STRN: variants seen among roughly 807,000 people sequenced by gnomAD.
STRN encodes striatin.
A neutral mutation model predicts 96.3 loss-of-function variants in STRN; 53 were observed. The observed-to-expected ratio is 0.55, with a 90% CI of 0.44 to 0.69. STRN has a LOEUF of 0.69. STRN is among the 30% of genes least tolerant of loss of function. The pLI, the probability that STRN is intolerant of heterozygous loss-of-function variation, is 0.00. For missense variants in STRN, 987 were observed against 963.9 expected, an observed-to-expected ratio of 1.02 and a Z score of -0.32; for synonymous variants, 428 against 355.9, an observed-to-expected ratio of 1.20 and a Z score of -2.28.
rs934777511 is a variant in STRN, at chr2:36,846,491, T to C, written c.*2965A>G. Reference sequence around the variant, plus strand: ...TATATATTTATAAAATATACATACATTTTAGACATTTTCAAATAAATCTTC... The same window carrying C: ...TATATATTTATAAAATATACATACACTTTAGACATTTTCAAATAAATCTTC... On this transcript the variant is annotated 3_prime_UTR_variant, in exon 18 of 18. Coordinates refer to ENST00000263918, the MANE Select transcript of STRN (RefSeq NM_003162.4). 1.7e-4 allele frequency: 24 copies of C among 143,148 alleles called. No individual in the cohort carries two copies. Among genetic ancestry groups the C allele is most frequent in the Non-Finnish European group, 2.9e-4 (19 of 66,372 alleles). 8.9% of individuals were successfully genotyped at this position (143,148 alleles called of 1,614,324 possible). A position where few individuals can be genotyped will look rare whatever the true frequency, so the allele number is the denominator to read the frequency against.
intron 1 of STRN, 71 bp from the exon 2 acceptor site, chr2:36,925,279 C>T (rs1670380121): frequency 2.9e-6 from 3 of 1,022,346 alleles, no homozygotes; most frequent in Admixed American, 2.3e-5. Context: ...CAGTAAAGAA[C>T]CATTGGAAGT....
intron 14 of STRN, among the ~76,000 whole-genome samples, chr2:36,857,400 T>C (rs1229583747): frequency 6.6e-6 from 1 of 151,994 alleles, no homozygotes; most frequent in African/African-American, 2.4e-5. Context: ...ATAGGCTGGG[T>C]GCAGTGGCTC....
At chr2:36,912,254 G>A (rs942356311) in intron 3 of STRN, among the ~76,000 whole-genome samples, 13 of 152,044 alleles carry the variant, frequency 8.6e-5, no homozygotes, top group South Asian at 2.1e-4. Context: ...GAGAGTGTGC[G>A]CGCGCGCACA....
Position 36,837,914 on chromosome 2 carries a change from AAAGTAT to A in STRN, c.*11536_*11541del, listed in dbSNP as rs1667858817. Among the ~76,000 whole-genome samples, 1 of 152,260 alleles carries A rather than the reference AAAGTAT, an allele frequency of 6.6e-6. No individual in the cohort carries two copies. The highest frequency in any genetic ancestry group is 2.4e-5 in the African/African-American group (1 of 41,474). On this transcript the variant is annotated 3_prime_UTR_variant, in exon 18 of 18. Coordinates refer to ENST00000263918, the MANE Select transcript of STRN (RefSeq NM_003162.4). ...TAAGAAAAATTTAAAAATGTATATA[AAAGTAT>A]AACTACGAATATTTGTGGTAGGCAG...
chr2:36,857,090 T>C (rs955152265), intron 14 of STRN, among the ~76,000 whole-genome samples: 6 of 151,536 alleles, frequency 4.0e-5, no homozygotes, highest in South Asian at 2.1e-4. Context: ...ATATAGTCTT[T>C]TTTTTTTTTA....
rs13400092 is a variant in STRN at position 36,853,195 on chromosome 2, T to A, written c.1978+2017A>T. Among the ~76,000 whole-genome samples the A allele has an allele frequency of 7.2e-3, 1,095 of 152,210 alleles. 17 individuals are homozygous for A. Among genetic ancestry groups the A allele is most frequent in the African/African-American group, 0.025 (1,049 of 41,544 alleles). Reference sequence around the variant, plus strand: ...TATAAAACAAAAACTCACTTGACCATGTGGAGTAAGTTCTTAGTCAGTTAC... The same window carrying A: ...TATAAAACAAAAACTCACTTGACCAAGTGGAGTAAGTTCTTAGTCAGTTAC... On this transcript the variant is annotated intron_variant, in intron 15 of 17. Coordinates refer to ENST00000263918, the MANE Select transcript of STRN (RefSeq NM_003162.4).
At chr2:36,956,461 G>C (rs561741552) in intron 1 of STRN, among the ~76,000 whole-genome samples, 2 of 152,270 alleles carry the variant, frequency 1.3e-5, no homozygotes, top group Non-Finnish European at 2.9e-5. Context: ...TGTTTTGTCA[G>C]ATTGGCCACC....
intron 1 of STRN, among the ~76,000 whole-genome samples, chr2:36,964,730 G>A (rs772054009): frequency 1.5e-4 from 23 of 152,124 alleles, no homozygotes; most frequent in Admixed American, 9.2e-4. Context: ...CCTATCACAC[G>A]CTATTCCTGA....
chr2:36,937,059 G>C (rs1186391788), intron 1 of STRN, among the ~76,000 whole-genome samples: 2 of 152,098 alleles, frequency 1.3e-5, no homozygotes, highest in Non-Finnish European at 2.9e-5. Context: ...AAAAGAAAAA[G>C]AGGGCCGGAA....
At chr2:36,873,920 C>T (rs1350012139) in intron 10 of STRN, among the ~76,000 whole-genome samples, 6 of 136,152 alleles carry the variant, frequency 4.4e-5, no homozygotes, top group African/African-American at 1.7e-4. Flanking sequence ...TCCAGTCTGG[C>T]GACAAAGCGA....
chr2:36,918,427 T>C (rs1302676592), intron 2 of STRN, among the ~76,000 whole-genome samples: 2 of 152,026 alleles, frequency 1.3e-5, no homozygotes, highest in Non-Finnish European at 2.9e-5. Flanking sequence ...AAAATAATAG[T>C]AGCAATAAAA....
At chr2:36,941,613 G>T (rs1670845784) in intron 1 of STRN, among the ~76,000 whole-genome samples, 1 of 150,938 alleles carries the variant, frequency 6.6e-6, no homozygotes, top group African/African-American at 2.4e-5. Context: ...GCAATGGCAT[G>T]ATCTCGGCTC....
chr2:36,945,657 T>G (rs1388951051), intron 1 of STRN, among the ~76,000 whole-genome samples: 1 of 151,622 alleles, frequency 6.6e-6, no homozygotes, highest in African/African-American at 2.4e-5. Context: ...AGTGCAAGAC[T>G]GTCTCAGAAA....
intron 2 of STRN, among the ~76,000 whole-genome samples, chr2:36,921,373 T>C (rs1391392973): frequency 6.6e-6 from 1 of 152,162 alleles, no homozygotes; most frequent in East Asian, 1.9e-4. Context: ...TGCCTTCTCT[T>C]CAAATATTTC....
chr2:36,923,797 A>G (rs1324946250), intron 2 of STRN, among the ~76,000 whole-genome samples: 2 of 152,234 alleles, frequency 1.3e-5, no homozygotes, highest in African/African-American at 4.8e-5. Context: ...AAAAGTAGCA[A>G]AATAGATAAT....
intron 5 of STRN, among the ~76,000 whole-genome samples, chr2:36,901,332 C>T (rs1280172634): frequency 6.6e-6 from 1 of 152,114 alleles, no homozygotes; most frequent in Non-Finnish European, 1.5e-5. Flanking sequence ...GCGGGTGGAT[C>T]ATGAGGTCAA....
intron 2 of STRN, among the ~76,000 whole-genome samples, chr2:36,919,171 T>G (rs1325990175): frequency 2.0e-5 from 3 of 152,196 alleles, no homozygotes; most frequent in South Asian, 2.1e-4. Context: ...ACAGGCACTG[T>G]GCTGGCTGCT....
intron 7 of STRN, among the ~76,000 whole-genome samples, chr2:36,890,025 A>T (rs186630719): frequency 6.4e-4 from 98 of 152,332 alleles, no homozygotes; most frequent in African/African-American, 2.2e-3. Context: ...GAGAAAAACC[A>T]ATCTCCGGTA....
chr2:36,964,488 G>C (rs1345864130), intron 1 of STRN, among the ~76,000 whole-genome samples: 1 of 152,066 alleles, frequency 6.6e-6, no homozygotes, highest in African/African-American at 2.4e-5. Flanking sequence ...AAATTTGTTG[G>C]AGACTATATA....
Sources: gnomAD v4.1 joint callset for allele counts (sites outside exome capture counted in the v4.1 genomes callset) on GRCh38, gnomAD v4.1.1 for gene constraint, MANE v1.5 for transcripts, NCBI Gene and HGNC (gene_info 2026-07-23, HGNC 2026-07-21) for gene names.